CEP112: variants seen among roughly 807,000 people sequenced by gnomAD.
CEP112 encodes centrosomal protein 112.
Under a neutral mutation model 153.0 loss-of-function variants are expected in CEP112, and 127 were observed. The ratio of observed to expected loss-of-function variants is 0.83; its 90% confidence interval spans 0.72 to 0.96. CEP112 has a LOEUF of 0.96. Among genes scored for constraint, CEP112 ranks in the 40% least tolerant of loss-of-function variants. The pLI, the probability that CEP112 is intolerant of heterozygous loss-of-function variation, is 0.00. For synonymous variants in CEP112, 358 were observed against 374.4 expected, an observed-to-expected ratio of 0.96 and a Z score of 0.51; for missense variants, 1,089 against 1,101.2, an observed-to-expected ratio of 0.99 and a Z score of 0.16.
chr17:65,701,860 G>C (rs1482021480), intron 23 of CEP112, among the ~76,000 whole-genome samples: 2 of 142,258 alleles, frequency 1.4e-5, no homozygotes, highest in African/African-American at 5.2e-5. Context: ...CTCCCTCCTA[G>C]TTAGTTGCCC....
At chr17:65,941,935 G>A (rs141943389) in intron 18 of CEP112, among the ~76,000 whole-genome samples, 2 of 152,152 alleles carry the variant, frequency 1.3e-5, no homozygotes, top group Non-Finnish European at 2.9e-5. Flanking sequence ...AGACAAGTGT[G>A]AGCCACCACA....
intron 24 of CEP112, among the ~76,000 whole-genome samples, chr17:65,647,472 CTT>C (rs36023443): frequency 0.013 from 1,419 of 111,292 alleles, 14 homozygotes; most frequent in South Asian, 0.023. Context: ...TGTGCCCGGC[CTT>C]TTTTTTTTTT....
intron 18 of CEP112, among the ~76,000 whole-genome samples, chr17:65,956,701 A>G (rs1228908592): frequency 6.6e-6 from 1 of 152,140 alleles, no homozygotes; most frequent in Admixed American, 6.5e-5. Flanking sequence ...TGATGGGTGC[A>G]CCAAAATCTC....
intron 21 of CEP112, among the ~76,000 whole-genome samples, chr17:65,816,681 T>C (rs540860669): frequency 6.6e-6 from 1 of 152,148 alleles, no homozygotes; most frequent in East Asian, 1.9e-4. Flanking sequence ...TTTTTATATA[T>C]TGATGGATTT....
At chr17:65,979,001 C>T (rs984666728) in intron 17 of CEP112, among the ~76,000 whole-genome samples, 2 of 152,136 alleles carry the variant, frequency 1.3e-5, no homozygotes, top group African/African-American at 2.4e-5. Flanking sequence ...CTCTTCTCTT[C>T]GAGCTTTACA....
chr17:65,781,410 C>A (rs1176933639), intron 21 of CEP112, among the ~76,000 whole-genome samples: 1 of 152,066 alleles, frequency 6.6e-6, no homozygotes, highest in African/African-American at 2.4e-5. Context: ...ATTAACATGG[C>A]CATACTGCCA....
chr17:65,746,083 T>C (rs1024378023), intron 22 of CEP112, among the ~76,000 whole-genome samples: 1 of 138,834 alleles, frequency 7.2e-6, no homozygotes, highest in African/African-American at 2.8e-5. Context: ...GAGAATCACT[T>C]GAACCCGGGA....
intron 4 of CEP112, among the ~76,000 whole-genome samples, chr17:66,168,064 A>AGCATAC (rs1370339642): frequency 2.0e-5 from 3 of 152,224 alleles, no homozygotes; most frequent in Non-Finnish European, 2.9e-5. Flanking sequence ...TGTATGCACA[A>AGCATAC]ACATTTTAAC....
At chr17:65,669,641 T>A (rs142418693) in intron 24 of CEP112, among the ~76,000 whole-genome samples, 1 of 152,138 alleles carries the variant, frequency 6.6e-6, no homozygotes, top group Non-Finnish European at 1.5e-5. Context: ...CGGTGGCTCA[T>A]GCCTGTAATC....
At chr17:65,968,298 A>G (rs987672375) in intron 17 of CEP112, among the ~76,000 whole-genome samples, 3 of 152,158 alleles carry the variant, frequency 2.0e-5, no homozygotes, top group Non-Finnish European at 4.4e-5. Flanking sequence ...ATTTCCTTCA[A>G]AAACATTATC....
Position 66,110,849 on chromosome 17 carries a change from A to G in CEP112, c.643-14217T>C, listed in dbSNP as rs374251919. Among the ~76,000 whole-genome samples, 18 of 152,326 alleles carry G rather than the reference A, an allele frequency of 1.2e-4. 1 individual carries two copies. In the East Asian group the frequency reaches 2.9e-3, roughly 24 times the overall value. ...AAAAGCAATTGCAACAAAAGCAAAAATTGACAAGTGGGATCTAGTTAAACT... is the reference window on the plus strand; with the variant it reads ...AAAAGCAATTGCAACAAAAGCAAAAGTTGACAAGTGGGATCTAGTTAAACT... On this transcript the variant is annotated intron_variant, in intron 6 of 26. Coordinates refer to ENST00000535342, the MANE Select transcript of CEP112 (RefSeq NM_001199165.4).
intron 20 of CEP112, among the ~76,000 whole-genome samples, chr17:65,877,658 A>G (rs1568155973): frequency 6.6e-6 from 1 of 152,214 alleles, no homozygotes. Flanking sequence ...ACTATGTAAC[A>G]CTATGTAAAA....
chr17:65,905,658 G>A (rs529227092), intron 19 of CEP112, among the ~76,000 whole-genome samples: 7 of 152,194 alleles, frequency 4.6e-5, no homozygotes, highest in South Asian at 2.1e-4. Flanking sequence ...GGCTGGGTAC[G>A]GTGGCTCATG....
At chr17:65,812,003 A>T (rs746519471) in intron 21 of CEP112, among the ~76,000 whole-genome samples, 13 of 150,250 alleles carry the variant, frequency 8.7e-5, no homozygotes, top group Non-Finnish European at 1.5e-4. Flanking sequence ...ATTAAAATAC[A>T]TTTTTTTTTC....
chr17:65,667,540 TAAC>T (rs1438959602), intron 24 of CEP112, among the ~76,000 whole-genome samples: 2 of 145,556 alleles, frequency 1.4e-5, no homozygotes, highest in Non-Finnish European at 3.0e-5. Flanking sequence ...ATATGAGTTT[TAAC>T]AACATTTGTA....
intron 24 of CEP112, among the ~76,000 whole-genome samples, chr17:65,685,539 A>G (rs957079462): frequency 6.6e-6 from 1 of 152,198 alleles, no homozygotes; most frequent in Non-Finnish European, 1.5e-5. Context: ...GAGGCTAGCT[A>G]CTGTTATTGA....
chr17:66,131,036 T>C (rs761732692), intron 5 of CEP112, among the ~76,000 whole-genome samples: 3 of 152,172 alleles, frequency 2.0e-5, no homozygotes, highest in Non-Finnish European at 2.9e-5. Flanking sequence ...TAAAATTAGA[T>C]TTGTTGATAC....
chr17:66,147,533 CTTT>C (rs984469519), intron 4 of CEP112, among the ~76,000 whole-genome samples: 1 of 151,220 alleles, frequency 6.6e-6, no homozygotes, highest in South Asian at 2.1e-4. Flanking sequence ...TTCAATGTAT[CTTT>C]TTTTTTATTT....
chr17:66,093,868 GC>G (rs2068235734), intron 8 of CEP112, among the ~76,000 whole-genome samples: 1 of 151,956 alleles, frequency 6.6e-6, no homozygotes, highest in Non-Finnish European at 1.5e-5. Flanking sequence ...AGTATCCAAG[GC>G]AATTTTGAGC....
Sources: allele counts gnomAD v4.1 joint callset (sites outside exome capture counted in the v4.1 genomes callset), GRCh38; gene constraint gnomAD v4.1.1; transcripts MANE v1.5; gene names NCBI Gene and HGNC (gene_info 2026-07-23, HGNC 2026-07-21).